TSPAN33: variants seen among roughly 807,000 people sequenced by gnomAD.
TSPAN33 encodes tetraspanin-33.
Under a neutral mutation model 34.8 loss-of-function variants are expected in TSPAN33, and 27 were observed. The ratio of observed to expected loss-of-function variants is 0.78; its 90% confidence interval spans 0.57 to 1.07. The LOEUF is 1.07. Ranked by LOEUF, TSPAN33 falls within the 50% of genes least tolerant of loss-of-function variation. The pLI, the probability that TSPAN33 is intolerant of heterozygous loss-of-function variation, is 0.00. For missense variants in TSPAN33, 272 were observed against 324.9 expected (o/e 0.84, Z 1.25); for synonymous variants, 119 against 124.2 (o/e 0.96, Z 0.28).
intron 4 of TSPAN33, 66 bp downstream of exon 4, chr7:129,162,973 A>G (rs1443465551): frequency 4.0e-6 from 6 of 1,483,584 alleles, no homozygotes; most frequent in Non-Finnish European, 5.6e-6. Flanking sequence ...GTTCCTGCCC[A>G]TGTTTAGCCT....
At chr7:129,147,534 C>G (rs980691288) in intron 1 of TSPAN33, among the ~76,000 whole-genome samples, 2 of 152,224 alleles carry the variant, frequency 1.3e-5, no homozygotes, top group African/African-American at 4.8e-5. Flanking sequence ...AGGGGGCCAT[C>G]TTTCTTCCTA....
intron 1 of TSPAN33, among the ~76,000 whole-genome samples, chr7:129,156,360 G>C (rs1810664774): frequency 6.6e-6 from 1 of 152,184 alleles, no homozygotes; most frequent in African/African-American, 2.4e-5. Flanking sequence ...CTCCGCTGTA[G>C]AGTTAGCCTT....
rs777666569 is a variant in TSPAN33 at position 129,167,920 on chromosome 7, A to G, written c.*46A>G. On this transcript the variant is annotated 3_prime_UTR_variant, in exon 8 of 8. Transcript: ENST00000486685. This position sits in a 1 kb window ranked among gnomAD's most constrained non-coding sequence, Gnocchi z 4.6. Reference sequence around the variant, plus strand: ...CACCATGGAAACTGGCAAGCCTCATAAACGAACAGCAGTGGGTGCTGAAAG... The same window carrying G: ...CACCATGGAAACTGGCAAGCCTCATGAACGAACAGCAGTGGGTGCTGAAAG... The G allele has an allele frequency of 6.2e-7, 1 of 1,604,032 alleles. No individual in the cohort carries two copies.
intron 4 of TSPAN33, among the ~76,000 whole-genome samples, chr7:129,163,335 T>TTTTC (rs1554456702): frequency 3.4e-5 from 5 of 146,828 alleles, no homozygotes; most frequent in Non-Finnish European, 6.0e-5. Flanking sequence ...CTTTCTTTCT[T>TTTTC]TTTTTTTTTT....
intron 1 of TSPAN33, among the ~76,000 whole-genome samples, chr7:129,151,276 A>G (rs989597466): frequency 1.3e-5 from 2 of 152,018 alleles, no homozygotes; most frequent in African/African-American, 4.8e-5. Flanking sequence ...ACAGGCATGC[A>G]TCACCATGCC....
chr7:129,160,523 G>A (rs1793031997), intron 1 of TSPAN33, among the ~76,000 whole-genome samples: 1 of 152,190 alleles, frequency 6.6e-6, no homozygotes, highest in South Asian at 2.1e-4. Flanking sequence ...GGTAGATAAG[G>A]CCTCTTTGGG....
At chr7:129,149,850 G>A (rs1421350503) in intron 1 of TSPAN33, among the ~76,000 whole-genome samples, 2 of 152,194 alleles carry the variant, frequency 1.3e-5, no homozygotes, top group Non-Finnish European at 2.9e-5. Flanking sequence ...ATGGACAGCC[G>A]CCACCTCAGA....
chr7:129,157,108 A>AT (rs1452407687), intron 1 of TSPAN33, among the ~76,000 whole-genome samples: 4 of 152,338 alleles, frequency 2.6e-5, no homozygotes, highest in African/African-American at 9.6e-5. Context: ...GTGAGGTGCC[A>AT]TAAGGATTTT....
intron 1 of TSPAN33, among the ~76,000 whole-genome samples, chr7:129,146,318 C>CA (rs1159810789): frequency 6.6e-6 from 1 of 152,184 alleles, no homozygotes; most frequent in Non-Finnish European, 1.5e-5. Flanking sequence ...ACAGCGCACT[C>CA]AGCCATCCTA....
chr7:129,159,682 G>T (rs1793020402), intron 1 of TSPAN33, among the ~76,000 whole-genome samples: 1 of 152,180 alleles, frequency 6.6e-6, no homozygotes, highest in Admixed American at 6.5e-5. Flanking sequence ...CACCAGGCCT[G>T]GGGAATGACT....
rs1234912844 is a variant in TSPAN33 at position 129,148,111 on chromosome 7, T to C, written c.102+3029T>C. ...GGACAGCTCCGTGCAGATATTGGGG[T>C]GGTGCCTGCTTTCTCAGCTTGGCCA... is the stretch of plus-strand genomic sequence containing the variant. On this transcript the variant is annotated intron_variant, in intron 1 of 7. Coordinates refer to ENST00000486685, the MANE Select transcript of TSPAN33 (RefSeq NM_178562.5). This position sits in a 1 kb window ranked among gnomAD's most constrained non-coding sequence, Gnocchi z 4.2. 6.6e-6 allele frequency among the ~76,000 whole-genome samples: 1 copy of C among 151,990 alleles called. No individual in the cohort carries two copies. Among genetic ancestry groups the C allele is most frequent in the East Asian group, 1.9e-4 (1 of 5,186 alleles).
In TSPAN33 at chr7:129,165,818, G is replaced by A. The variant is rs550487022; in HGVS notation, c.460-960G>A. On this transcript the variant is annotated intron_variant, in intron 5 of 7. Coordinates refer to ENST00000486685, the MANE Select transcript of TSPAN33 (RefSeq NM_178562.5). The surrounding 1 kb of genome is among the most constrained non-coding windows in gnomAD (Gnocchi z 4.5). ...CCAGCTACTCAGGAGGCTGAGGTGC[G>A]AGAATAGCTTGAATTTGGGAGTTGG... 4.6e-5 allele frequency among the ~76,000 whole-genome samples: 7 copies of A among 152,324 alleles called. No individual in the cohort carries two copies. Among genetic ancestry groups the A allele is most frequent in the Non-Finnish European group, 7.4e-5 (5 of 68,026 alleles).
In TSPAN33 at chr7:129,168,939, C is replaced by G. The variant is rs1319902376; in HGVS notation, c.*1065C>G. The G allele has an allele frequency of 6.6e-6, 1 of 152,350 alleles. No individual in the cohort carries two copies. The highest frequency in any genetic ancestry group is 2.4e-5 in the African/African-American group (1 of 41,444). The allele number at this position is 152,350 out of a possible 1,614,324, so 9.4% of individuals were successfully genotyped here. A position where few individuals can be genotyped will look rare whatever the true frequency, so the allele number is the denominator to read the frequency against. ...CTCTCCTAAACGCCACACACCTCCC[C>G]CTTGCTGCCCGCCACACGCGCGTCT... On this transcript the variant is annotated 3_prime_UTR_variant, in exon 8 of 8. Transcript: ENST00000486685.
At chr7:129,157,587 G>A (rs553295065) in intron 1 of TSPAN33, among the ~76,000 whole-genome samples, 5 of 152,240 alleles carry the variant, frequency 3.3e-5, no homozygotes, top group Admixed American at 2.6e-4. Flanking sequence ...GAAATAACCT[G>A]GAACACATTC....
intron 1 of TSPAN33, among the ~76,000 whole-genome samples, chr7:129,153,301 G>T (rs1810626195): frequency 6.6e-6 from 1 of 152,086 alleles, no homozygotes; most frequent in African/African-American, 2.4e-5. Flanking sequence ...TGATGATAAA[G>T]CACTGCACCC....
chr7:129,164,387 A>G, intron 4 of TSPAN33, 87 bp from the exon 5 acceptor site: 2 of 1,174,312 alleles, frequency 1.7e-6, no homozygotes, highest in Non-Finnish European at 2.5e-6. Flanking sequence ...GTTAAGAAGG[A>G]TGATCCCTGT....
rs1793188144 is a variant in TSPAN33, at chr7:129,169,005, T to A, written c.*1131T>A. On this transcript the variant is annotated 3_prime_UTR_variant, in exon 8 of 8. Transcript: ENST00000486685. ...TTGCCACCCTCCCACAGCCTCGCCC[T>A]CTGCTCTAAATTAGGTCGAAAGAGT... is the stretch of plus-strand genomic sequence containing the variant. Among the ~76,000 whole-genome samples the A allele has an allele frequency of 6.6e-6, 1 of 152,194 alleles. No homozygotes were observed.
intron 1 of TSPAN33, among the ~76,000 whole-genome samples, chr7:129,146,022 T>C (rs529046864): frequency 3.9e-5 from 6 of 151,952 alleles, no homozygotes; most frequent in African/African-American, 1.4e-4. Context: ...TGTGAGAACA[T>C]AGGGACATCC....
chr7:129,162,138 G>A (rs1343965526), intron 2 of TSPAN33, among the ~76,000 whole-genome samples: 3 of 152,238 alleles, frequency 2.0e-5, no homozygotes, highest in African/African-American at 7.2e-5. Context: ...CTTTTGCGGA[G>A]CGAAAGCAGC....
Sources: gnomAD v4.1 joint callset for allele counts (sites outside exome capture counted in the v4.1 genomes callset) on GRCh38, gnomAD v4.1.1 for gene constraint, Gnocchi (gnomAD v3.1) non-coding constraint, MANE v1.5 for transcripts, NCBI Gene and HGNC (gene_info 2026-07-23, HGNC 2026-07-21) for gene names.